Variants in ADAMTS9 observed in about 807,000 individuals in gnomAD.
ADAMTS9 encodes the protein A disintegrin and metalloproteinase with thrombospondin motifs 9.
Under a neutral mutation model 257.1 loss-of-function variants are expected in ADAMTS9, and 107 were observed. The observed-to-expected ratio is 0.42, with a 90% CI of 0.36 to 0.49. The LOEUF (loss-of-function observed/expected upper bound fraction) is 0.49, where lower values mean the gene tolerates loss of function less well. Ranked by LOEUF, ADAMTS9 falls within the 20% of genes least tolerant of loss-of-function variation. The pLI, the probability that ADAMTS9 is intolerant of heterozygous loss-of-function variation, is 0.03. For missense variants in ADAMTS9, 2,353 were observed against 2,469.1 expected (o/e 0.95, Z 1.00); for synonymous variants, 982 against 880.9 (o/e 1.11, Z -2.03).
intron 16 of ADAMTS9, among the ~76,000 whole-genome samples, chr3:64,624,880 G>T (rs1319648213): frequency 6.6e-6 from 1 of 152,024 alleles, no homozygotes; most frequent in Non-Finnish European, 1.5e-5. Flanking sequence ...TTTTGATTGT[G>T]CTGCTTTTTT....
chr3:64,593,961 ATGTGTGTGTGTGTGTGTG>A (rs200112357), intron 28 of ADAMTS9, among the ~76,000 whole-genome samples: 11 of 108,310 alleles, frequency 1.0e-4, no homozygotes, highest in Non-Finnish European at 1.7e-4. Flanking sequence ...TGTGTGTATG[ATGTGTGTGTGTGTGTGTG>A]TGTGTGTGTG....
chr3:64,555,121 T>G (rs906906243), intron 30 of ADAMTS9, among the ~76,000 whole-genome samples: 2 of 152,162 alleles, frequency 1.3e-5, no homozygotes, highest in African/African-American at 4.8e-5. Flanking sequence ...TTGCACAGTG[T>G]ATGGACGGCA....
At chr3:64,586,224 A>G (rs1576082159) in intron 28 of ADAMTS9, among the ~76,000 whole-genome samples, 1 of 152,128 alleles carries the variant, frequency 6.6e-6, no homozygotes, top group Non-Finnish European at 1.5e-5. Context: ...AACGTGGGTG[A>G]ATTGTTTAGC....
chr3:64,666,964 T>C (rs1701366168), intron 3 of ADAMTS9, among the ~76,000 whole-genome samples: 1 of 152,156 alleles, frequency 6.6e-6, no homozygotes, highest in Non-Finnish European at 1.5e-5. Flanking sequence ...ATATGCAACA[T>C]AGGGATACCC....
intron 28 of ADAMTS9, among the ~76,000 whole-genome samples, chr3:64,570,421 G>A (rs928004657): frequency 1.6e-4 from 24 of 152,168 alleles, no homozygotes; most frequent in African/African-American, 4.3e-4. Flanking sequence ...TATGAGTTTG[G>A]ATTTTATTCT....
intron 12 of ADAMTS9, among the ~76,000 whole-genome samples, chr3:64,635,539 C>A (rs1005027528): frequency 1.3e-5 from 2 of 152,212 alleles, no homozygotes; most frequent in African/African-American, 4.8e-5. Context: ...TACTGTATAT[C>A]TGCACTATTC....
At chr3:64,610,413 A>G (rs2084642616) in intron 22 of ADAMTS9, among the ~76,000 whole-genome samples, 1 of 152,214 alleles carries the variant, frequency 6.6e-6, no homozygotes, top group Non-Finnish European at 1.5e-5. Flanking sequence ...AACAGATCAA[A>G]AAATGAGAAA....
At chr3:64,545,466 G>A (rs758492092) in intron 32 of ADAMTS9, among the ~76,000 whole-genome samples, 1 of 152,132 alleles carries the variant, frequency 6.6e-6, no homozygotes, top group Non-Finnish European at 1.5e-5. Flanking sequence ...TAGGGACATG[G>A]ATGAAACTGG....
chr3:64,516,975 G>T lies in ADAMTS9; in HGVS notation c.*152C>A, dbSNP rs1415698108. ...TGTGTATATATGTATGTGTAGATAT[G>T]TATATATGTATATGTACACACATTT... On this transcript the variant is annotated 3_prime_UTR_variant, in exon 40 of 40. Coordinates refer to ENST00000498707, the MANE Select transcript of ADAMTS9 (RefSeq NM_182920.2). 1.3e-5 allele frequency: 2 copies of T among 151,866 alleles called. No homozygotes were observed. The highest frequency in any genetic ancestry group is 1.3e-4 in the Admixed American group (2 of 15,212). The allele number at this position is 151,866 out of a possible 1,614,324, so 9.4% of individuals were successfully genotyped here.
At chr3:64,625,169 A>G (rs1222732201) in intron 16 of ADAMTS9, among the ~76,000 whole-genome samples, 2 of 152,194 alleles carry the variant, frequency 1.3e-5, no homozygotes, top group Non-Finnish European at 2.9e-5. Flanking sequence ...ATGTCAATCA[A>G]TTGGTAACAG....
chr3:64,602,658 C>T (rs1318485714), intron 25 of ADAMTS9, among the ~76,000 whole-genome samples: 1 of 152,164 alleles, frequency 6.6e-6, no homozygotes, highest in Admixed American at 6.5e-5. Context: ...CCTACTGCAC[C>T]TTTTGCTGTA....
chr3:64,621,169 G>C lies in ADAMTS9; in HGVS notation c.2758C>G (p.Arg920Gly). ...GTAATGTGTCCAGGCTGGGGCAGCC[G>C]ATCGCATCTTTGATCAGAAACAGTA... ...QLTVSDQRCD[R>G]LPQPGHITEP... is the part of the protein sequence containing the mutation. Residue 920 changes from arginine to glycine, a missense_variant, in exon 19 of 40, where the codon CGG (arginine) becomes GGG (glycine). Arg to Gly is a moderately radical substitution (Grantham distance 125, BLOSUM62 -2). This residue lies in a region of ADAMTS9 where 1,402 missense variants were observed against 1,441.4 expected (regional missense o/e 0.97). Coordinates refer to ENST00000498707, the MANE Select transcript of ADAMTS9 (RefSeq NM_182920.2). 1 of 1,613,864 alleles carries C rather than the reference G, an allele frequency of 6.2e-7. No individual in the cohort carries two copies. The highest frequency in any genetic ancestry group is 1.3e-5 in the African/African-American group (1 of 75,016).
chr3:64,659,901 C>T (rs1379233643), intron 3 of ADAMTS9, among the ~76,000 whole-genome samples: 1 of 152,064 alleles, frequency 6.6e-6, no homozygotes, highest in Non-Finnish European at 1.5e-5. Flanking sequence ...GATTCTTTGG[C>T]CCCACCCCAG....
chr3:64,599,230 T>C (rs1301142135), intron 26 of ADAMTS9, among the ~76,000 whole-genome samples: 1 of 152,216 alleles, frequency 6.6e-6, no homozygotes, highest in Non-Finnish European at 1.5e-5. Flanking sequence ...CCAGGTCTAA[T>C]TTTGCCATTA....
intron 27 of ADAMTS9, among the ~76,000 whole-genome samples, chr3:64,595,096 T>C (rs544638992): frequency 5.4e-4 from 61 of 113,504 alleles, no homozygotes; most frequent in Non-Finnish European, 8.6e-4. Context: ...AAAACAAAAA[T>C]AGACAAACAA....
At chr3:64,612,267 A>C (rs1387151676) in intron 22 of ADAMTS9, among the ~76,000 whole-genome samples, 1 of 152,192 alleles carries the variant, frequency 6.6e-6, no homozygotes, top group Non-Finnish European at 1.5e-5. Context: ...ACAGATGACA[A>C]ACAGGCCTGT....
At chr3:64,607,820 A>G (rs559212517) in intron 22 of ADAMTS9, among the ~76,000 whole-genome samples, 1 of 152,276 alleles carries the variant, frequency 6.6e-6, no homozygotes, top group Admixed American at 6.5e-5. Context: ...GGCATTTCTG[A>G]TTACCCACCT....
At chr3:64,555,317 G>C (rs1046879078) in intron 30 of ADAMTS9, among the ~76,000 whole-genome samples, 2 of 152,170 alleles carry the variant, frequency 1.3e-5, no homozygotes, top group Non-Finnish European at 2.9e-5. Flanking sequence ...TTGTTAGGAG[G>C]TGCGGTGGGG....
At chr3:64,685,556 C>A (rs1166064078) in intron 2 of ADAMTS9, among the ~76,000 whole-genome samples, 1 of 152,202 alleles carries the variant, frequency 6.6e-6, no homozygotes, top group African/African-American at 2.4e-5. Context: ...GGGCCAGAAC[C>A]GTACCGCAGC....
Sources: allele counts gnomAD v4.1 joint callset (sites outside exome capture counted in the v4.1 genomes callset), GRCh38; gene constraint gnomAD v4.1.1; regional missense constraint gnomAD v4.1.1; transcripts MANE v1.5; gene names NCBI Gene and HGNC (gene_info 2026-07-23, HGNC 2026-07-21).